The following NCKAP5 variants were observed in gnomAD, a reference collection of about 807,000 sequenced individuals.
NCKAP5 encodes NCK associated protein 5, also known as nck-associated protein 5.
NCKAP5 carries 92 observed loss-of-function variants against 167.0 expected under a neutral mutation model. The ratio of observed to expected loss-of-function variants is 0.55; its 90% CI spans 0.47 to 0.66. The LOEUF (loss-of-function observed/expected upper bound fraction) is 0.66. Among genes scored for constraint, NCKAP5 ranks in the 30% least tolerant of loss-of-function variants. NCKAP5 has a pLI of 0.00. For missense variants in NCKAP5, 2,378 were observed against 2,315.0 expected (o/e 1.03, Z -0.56); for synonymous variants, 891 against 877.4 (o/e 1.02, Z -0.27).
At chr2:132,892,228 TTTC>T (rs1324295565) in intron 8 of NCKAP5, among the ~76,000 whole-genome samples, 2 of 152,190 alleles carry the variant, frequency 1.3e-5, no homozygotes, top group Non-Finnish European at 2.9e-5. Flanking sequence ...TCTCTCACCC[TTTC>T]TTCTTCTCTT....
intron 6 of NCKAP5, among the ~76,000 whole-genome samples, chr2:133,033,969 A>G (rs909198712): frequency 1.3e-5 from 2 of 152,168 alleles, no homozygotes; most frequent in Admixed American, 6.6e-5. Context: ...GGGATAACAG[A>G]TAACTTCCCA....
At chr2:132,886,002 G>A (rs1167972565) in intron 8 of NCKAP5, among the ~76,000 whole-genome samples, 4 of 152,050 alleles carry the variant, frequency 2.6e-5, no homozygotes, top group Admixed American at 2.6e-4. Flanking sequence ...CAAGAGTCAG[G>A]CTCAGCTCCT....
intron 4 of NCKAP5, among the ~76,000 whole-genome samples, chr2:133,287,799 G>A (rs1679264580): frequency 6.6e-6 from 1 of 152,162 alleles, no homozygotes; most frequent in African/African-American, 2.4e-5. Context: ...AAACTTGAAG[G>A]ATGGTTAGGG....
chr2:133,387,584 T>C (rs1172285182), intron 3 of NCKAP5, among the ~76,000 whole-genome samples: 2 of 152,224 alleles, frequency 1.3e-5, no homozygotes, highest in Non-Finnish European at 2.9e-5. Flanking sequence ...TGAATTTGAA[T>C]GTTGGCCTGC....
In NCKAP5 at chr2:133,285,119, C is replaced by T. The variant is rs552255006; in HGVS notation, c.143+17918G>A. On this transcript the variant is annotated intron_variant, in intron 4 of 19. Coordinates refer to ENST00000409261, the MANE Select transcript of NCKAP5 (RefSeq NM_207363.3). Reference sequence around the variant, plus strand: ...CTAACAGGCCCCCTTCAGAATGCTTCCTGCTGACAAGTGAATCTGCTTTTT... The same window carrying T: ...CTAACAGGCCCCCTTCAGAATGCTTTCTGCTGACAAGTGAATCTGCTTTTT... Among the ~76,000 whole-genome samples, 3 of 152,308 alleles carry T rather than the reference C, an allele frequency of 2.0e-5. No homozygotes were observed. In the East Asian group the frequency reaches 5.8e-4, roughly 29 times the overall value.
chr2:133,357,300 C>CACAG (rs1553622984), intron 3 of NCKAP5, among the ~76,000 whole-genome samples: 1 of 150,746 alleles, frequency 6.6e-6, no homozygotes, highest in Non-Finnish European at 1.5e-5. Context: ...CACACACACA[C>CACAG]ACACACACAC....
chr2:133,571,203 A>T (rs539356687), upstream of NCKAP5, among the ~76,000 whole-genome samples: 183 of 151,918 alleles, frequency 1.2e-3, 2 homozygotes, highest in African/African-American at 4.0e-3. Flanking sequence ...GCATATTTTT[A>T]TTTTTTTTAT....
chr2:133,368,949 A>G (rs1302314284), intron 3 of NCKAP5, among the ~76,000 whole-genome samples: 2 of 152,212 alleles, frequency 1.3e-5, no homozygotes, highest in African/African-American at 4.8e-5. Context: ...TGAAAAGGTT[A>G]AGGTCAGGAA....
chr2:132,990,997 T>C (rs2077432980), intron 7 of NCKAP5, among the ~76,000 whole-genome samples: 1 of 152,202 alleles, frequency 6.6e-6, no homozygotes, highest in Admixed American at 6.5e-5. Context: ...AGGCCCAGGT[T>C]CAGATCTCAG....
chr2:133,327,460 T>C (rs1682531391), intron 3 of NCKAP5, among the ~76,000 whole-genome samples: 1 of 152,206 alleles, frequency 6.6e-6, no homozygotes, highest in Non-Finnish European at 1.5e-5. Flanking sequence ...TGTTTAATGT[T>C]AGTGTTTTGA....
chr2:133,222,062 T>C (rs1296685235), intron 4 of NCKAP5, among the ~76,000 whole-genome samples: 2 of 152,302 alleles, frequency 1.3e-5, no homozygotes, highest in Admixed American at 6.5e-5. Context: ...TCACATGATA[T>C]ACTTAAACCT....
chr2:133,055,069 T>G (rs537368539), intron 6 of NCKAP5, among the ~76,000 whole-genome samples: 1 of 152,126 alleles, frequency 6.6e-6, no homozygotes, highest in South Asian at 2.1e-4. Context: ...GAAAATTAAA[T>G]GGGGAGAAAG....
intron 8 of NCKAP5, among the ~76,000 whole-genome samples, chr2:132,890,392 G>T (rs77278830): frequency 0.011 from 1,497 of 140,052 alleles, 16 homozygotes; most frequent in African/African-American, 0.028. Context: ...AATATAGAGA[G>T]GCCACCATAA....
chr2:133,391,634 G>T lies in NCKAP5; in HGVS notation c.70-88524C>A, dbSNP rs144345414. Among the ~76,000 whole-genome samples, 3 of 152,086 alleles carry T rather than the reference G, an allele frequency of 2.0e-5. 1 individual carries two copies. The South Asian group carries it at 6.2e-4, about 32-fold the overall frequency. ...ATCTTGCTCCCCAGCCCTCTTCCCC[G>T]CACTCATCCTCTAAATCTAATGTTG... is the stretch of plus-strand genomic sequence containing the variant. On this transcript the variant is annotated intron_variant, in intron 3 of 19. Transcript: ENST00000409261.
chr2:133,211,275 G>A (rs2086201722), intron 5 of NCKAP5, among the ~76,000 whole-genome samples: 1 of 152,092 alleles, frequency 6.6e-6, no homozygotes, highest in African/African-American at 2.4e-5. Flanking sequence ...CTGTCACCCA[G>A]GCTGGGATGC....
upstream of NCKAP5, among the ~76,000 whole-genome samples, chr2:133,569,838 A>G (rs774033996): frequency 6.6e-5 from 10 of 152,232 alleles, no homozygotes; most frequent in South Asian, 1.2e-3. Context: ...CAAATTGTGT[A>G]TGTCACTGAT....
At chr2:132,882,548 G>C (rs1691846209) in intron 8 of NCKAP5, among the ~76,000 whole-genome samples, 1 of 152,092 alleles carries the variant, frequency 6.6e-6, no homozygotes. Flanking sequence ...GTTCAGTTTT[G>C]TGTTTTTCTT....
At chr2:133,463,450 T>C (rs1483985827) in intron 3 of NCKAP5, among the ~76,000 whole-genome samples, 1 of 152,234 alleles carries the variant, frequency 6.6e-6, no homozygotes, top group African/African-American at 2.4e-5. Context: ...CAGGAGCACA[T>C]CTTTAAGTTT....
At chr2:133,255,296 T>A (rs2088560666) in intron 4 of NCKAP5, among the ~76,000 whole-genome samples, 1 of 152,230 alleles carries the variant, frequency 6.6e-6, no homozygotes, top group African/African-American at 2.4e-5. Context: ...TACTGTTTTG[T>A]TTCCAGAGCT....
Sources: allele counts gnomAD v4.1 joint callset (sites outside exome capture counted in the v4.1 genomes callset), GRCh38; gene constraint gnomAD v4.1.1; transcripts MANE v1.5; gene names NCBI Gene and HGNC (gene_info 2026-07-23, HGNC 2026-07-21).